DLG2: variants seen among roughly 807,000 people sequenced by gnomAD.
DLG2 encodes the protein discs large MAGUK scaffold protein 2, also known as disks large homolog 2.
Under a neutral mutation model 132.5 loss-of-function variants are expected in DLG2, and 45 were observed. The observed-to-expected ratio is 0.34, with a 90% confidence interval of 0.27 to 0.44. DLG2 has a LOEUF of 0.44. Among genes scored for constraint, DLG2 ranks in the 20% least tolerant of loss-of-function variants. The pLI is 1.00. For synonymous variants in DLG2, 424 were observed against 419.6 expected, an observed-to-expected ratio of 1.01 and a Z score of -0.13; for missense variants, 1,045 against 1,196.9, an observed-to-expected ratio of 0.87 and a Z score of 1.87.
intron 3 of DLG2, among the ~76,000 whole-genome samples, chr11:85,411,013 C>T (rs1318709352): frequency 6.6e-6 from 1 of 151,660 alleles, no homozygotes; most frequent in African/African-American, 2.4e-5. Context: ...GCTAGGAAGG[C>T]ATAGCTAATT....
rs545533379 is a variant in DLG2, at chr11:84,142,025, C to T, written c.624+21436G>A. On this transcript the variant is annotated intron_variant, in intron 9 of 27. Transcript: ENST00000376104. ...CCAGGTAGAAAGGAGATTTGCTGGC[C>T]GGGCATGATGGCTCACCCCTGTAAT... is the stretch of plus-strand genomic sequence containing the variant. Among the ~76,000 whole-genome samples the T allele has an allele frequency of 1.2e-4, 18 of 151,994 alleles. No homozygotes were observed. The South Asian group carries it at 2.5e-3, about 21-fold the overall frequency.
intron 7 of DLG2, among the ~76,000 whole-genome samples, chr11:84,424,085 T>G (rs1490290071): frequency 6.6e-6 from 1 of 152,122 alleles, no homozygotes; most frequent in Non-Finnish European, 1.5e-5. Context: ...TGATGCTCTC[T>G]TGGGTAGATA....
intron 3 of DLG2, among the ~76,000 whole-genome samples, chr11:85,581,407 G>A (rs894974907): frequency 1.3e-5 from 2 of 151,420 alleles, no homozygotes; most frequent in Admixed American, 6.6e-5. Context: ...GCACTCAGTT[G>A]AAGACCAGCC....
chr11:84,514,966 TA>T (rs545436418), intron 7 of DLG2, among the ~76,000 whole-genome samples: 1 of 151,334 alleles, frequency 6.6e-6, no homozygotes, highest in African/African-American at 2.4e-5. Flanking sequence ...AAACTAAAAA[TA>T]AAAAAATTAA....
chr11:84,643,738 T>C (rs1187765162), intron 6 of DLG2, among the ~76,000 whole-genome samples: 1 of 152,180 alleles, frequency 6.6e-6, no homozygotes, highest in Non-Finnish European at 1.5e-5. Context: ...TTAACTTTTC[T>C]TTCACTAGTT....
intron 5 of DLG2, among the ~76,000 whole-genome samples, chr11:85,136,730 G>A (rs1373142565): frequency 1.4e-5 from 2 of 142,972 alleles, no homozygotes; most frequent in African/African-American, 5.2e-5. Context: ...CTTTTATTTT[G>A]TTTGTTTCCA....
intron 6 of DLG2, among the ~76,000 whole-genome samples, chr11:84,649,216 A>G (rs1475769084): frequency 6.6e-6 from 1 of 152,178 alleles, no homozygotes; most frequent in Non-Finnish European, 1.5e-5. Context: ...GCTCTTGAAT[A>G]TGACCATTAA....
In DLG2 at chr11:84,192,622, C is replaced by T. The variant is rs529328261; in HGVS notation, c.574-29111G>A. ...GCAGGCGCCTGTAGTCCCAGCTACT[C>T]GGGAGGCTGAGGCAGAAGAATCTCT... is the stretch of plus-strand genomic sequence containing the variant. On this transcript the variant is annotated intron_variant, in intron 8 of 27. Coordinates refer to ENST00000376104, the MANE Select transcript of DLG2 (RefSeq NM_001142699.3). 1.4e-4 allele frequency among the ~76,000 whole-genome samples: 21 copies of T among 152,050 alleles called. 1 individual carries two copies. The highest frequency in any genetic ancestry group is 8.3e-4 in the South Asian group (4 of 4,810).
rs565284950 is a variant in DLG2 at position 85,095,392 on chromosome 11, T to C, written c.357+16269A>G. On this transcript the variant is annotated intron_variant, in intron 6 of 27. Transcript: ENST00000376104. ...GCAATAAAATGAGTCATTTTTGTAT[T>C]GTAAACATTCTCTTATTTGCTCTTC... is the stretch of plus-strand genomic sequence containing the variant. 2.3e-3 allele frequency among the ~76,000 whole-genome samples: 351 copies of C among 152,332 alleles called. 1 individual carries two copies. Among genetic ancestry groups the C allele is most frequent in the Non-Finnish European group, 4.3e-3 (292 of 68,032 alleles).
intron 6 of DLG2, among the ~76,000 whole-genome samples, chr11:84,557,947 A>T (rs918713234): frequency 8.5e-5 from 13 of 152,124 alleles, no homozygotes; most frequent in Admixed American, 7.2e-4. Context: ...TCAGCAACAT[A>T]TGAGAACTAT....
At chr11:85,427,305 A>G (rs1165680937) in intron 3 of DLG2, among the ~76,000 whole-genome samples, 1 of 152,076 alleles carries the variant, frequency 6.6e-6, no homozygotes, top group African/African-American at 2.4e-5. Context: ...GAGAAGAGCA[A>G]CTCCAAGACA....
rs144446031 is a variant in DLG2, at chr11:83,762,666, C to T, written c.1825+24024G>A. Reference sequence around the variant, plus strand: ...CATGATCTCGGCTCACTGCAAGCTCCGCCTCCTGGGTTCATGCCATTCTCC... The same window carrying T: ...CATGATCTCGGCTCACTGCAAGCTCTGCCTCCTGGGTTCATGCCATTCTCC... On this transcript the variant is annotated intron_variant, in intron 18 of 27. Coordinates refer to ENST00000376104, the MANE Select transcript of DLG2 (RefSeq NM_001142699.3). 5.7e-4 allele frequency among the ~76,000 whole-genome samples: 87 copies of T among 151,982 alleles called. No individual in the cohort carries two copies. In the East Asian group the frequency reaches 0.014, roughly 24 times the overall value.
At chr11:85,104,887 A>AAAAAAC (rs1158428680) in intron 6 of DLG2, among the ~76,000 whole-genome samples, 1 of 149,880 alleles carries the variant, frequency 6.7e-6, no homozygotes, top group African/African-American at 2.4e-5. Context: ...AAAAAAAAAA[A>AAAAAAC]AAAAAAAAAA....
At chr11:85,469,959 C>G (rs576178957) in intron 3 of DLG2, among the ~76,000 whole-genome samples, 2 of 152,118 alleles carry the variant, frequency 1.3e-5, no homozygotes, top group African/African-American at 4.8e-5. Flanking sequence ...AGAGTAAAAT[C>G]CAAAGCCCTT....
intron 6 of DLG2, among the ~76,000 whole-genome samples, chr11:85,103,812 G>T (rs890069548): frequency 2.0e-5 from 3 of 151,882 alleles, no homozygotes; most frequent in African/African-American, 4.8e-5. Flanking sequence ...AATATCTGCA[G>T]ATCACATATC....
intron 4 of DLG2, among the ~76,000 whole-genome samples, chr11:85,203,817 C>T (rs919036185): frequency 2.0e-5 from 3 of 152,018 alleles, no homozygotes; most frequent in African/African-American, 7.2e-5. Context: ...GGATACCACA[C>T]ATTAAAAACA....
intron 4 of DLG2, among the ~76,000 whole-genome samples, chr11:85,183,271 A>G (rs1289432305): frequency 4.6e-5 from 7 of 151,834 alleles, no homozygotes; most frequent in Admixed American, 4.6e-4. Flanking sequence ...AACTTTAGCT[A>G]AGGCTCTAAA....
chr11:85,513,585 A>G (rs566850107), intron 3 of DLG2, among the ~76,000 whole-genome samples: 1 of 151,862 alleles, frequency 6.6e-6, no homozygotes, highest in African/African-American at 2.4e-5. Flanking sequence ...ATCTTTCACT[A>G]GTATATCTTC....
chr11:85,297,585 G>A (rs528044695), intron 3 of DLG2, among the ~76,000 whole-genome samples: 12 of 152,090 alleles, frequency 7.9e-5, no homozygotes, highest in Non-Finnish European at 1.3e-4. Flanking sequence ...GCTTCTTCTC[G>A]TATTTTCTTC....
Sources: gnomAD v4.1 joint callset for allele counts (sites outside exome capture counted in the v4.1 genomes callset) on GRCh38, gnomAD v4.1.1 for gene constraint, MANE v1.5 for transcripts, NCBI Gene and HGNC (gene_info 2026-07-23, HGNC 2026-07-21) for gene names.